Variants in GALNTL6 observed in about 807,000 individuals in gnomAD.
GALNTL6 encodes the protein polypeptide N-acetylgalactosaminyltransferase-like 6.
A neutral mutation model predicts 73.7 loss-of-function variants in GALNTL6; 46 were observed. The ratio of observed to expected loss-of-function variants is 0.62; its 90% CI spans 0.49 to 0.80. The LOEUF is 0.80. Among genes scored for constraint, GALNTL6 ranks in the 30% least tolerant of loss-of-function variants. The pLI, the probability that GALNTL6 is intolerant of heterozygous loss-of-function variation, is 0.00. For synonymous variants in GALNTL6, 259 were observed against 263.7 expected (o/e 0.98, Z 0.17); for missense variants, 604 against 755.0 (o/e 0.80, Z 2.34).
intron 5 of GALNTL6, among the ~76,000 whole-genome samples, chr4:172,357,829 A>G (rs1742217828): frequency 6.6e-6 from 1 of 152,110 alleles, no homozygotes; most frequent in East Asian, 1.9e-4. Flanking sequence ...ATCCTGAATA[A>G]ACTCTAGCTC....
chr4:172,754,121 G>T (rs932079942), intron 5 of GALNTL6, among the ~76,000 whole-genome samples: 1 of 152,094 alleles, frequency 6.6e-6, no homozygotes, highest in African/African-American at 2.4e-5. Flanking sequence ...AAATATTTTG[G>T]AATATTGTGT....
chr4:171,855,274 C>T (rs1351721472), intron 2 of GALNTL6, among the ~76,000 whole-genome samples: 1 of 152,182 alleles, frequency 6.6e-6, no homozygotes, highest in Non-Finnish European at 1.5e-5. Context: ...CACCATTGAT[C>T]TCTCACTCCC....
chr4:172,831,544 A>C (rs1192027876), intron 7 of GALNTL6, among the ~76,000 whole-genome samples: 1 of 152,208 alleles, frequency 6.6e-6, no homozygotes, highest in Non-Finnish European at 1.5e-5. Flanking sequence ...AGATGGGGAA[A>C]GAAAGATGAC....
intron 2 of GALNTL6, among the ~76,000 whole-genome samples, chr4:171,884,063 T>C (rs1446124828): frequency 6.6e-6 from 1 of 152,232 alleles, no homozygotes; most frequent in Non-Finnish European, 1.5e-5. Context: ...TAACATATTT[T>C]ACAAACTATT....
intron 4 of GALNTL6, among the ~76,000 whole-genome samples, chr4:172,320,711 C>T (rs903102331): frequency 6.6e-6 from 1 of 151,952 alleles, no homozygotes; most frequent in East Asian, 1.9e-4. Flanking sequence ...CAGTTTATAT[C>T]CCAGGGCACT....
chr4:172,514,954 A>C (rs954685562), intron 5 of GALNTL6, among the ~76,000 whole-genome samples: 6 of 152,270 alleles, frequency 3.9e-5, no homozygotes, highest in South Asian at 2.1e-4. Context: ...TTTTTTGGCT[A>C]TCTCTCAGAA....
At chr4:172,691,300 T>C (rs1377446779) in intron 5 of GALNTL6, among the ~76,000 whole-genome samples, 1 of 152,040 alleles carries the variant, frequency 6.6e-6, no homozygotes. Context: ...AGAAGATTGA[T>C]AAATAAGGTT....
chr4:172,696,404 AT>A (rs894157504), intron 5 of GALNTL6, among the ~76,000 whole-genome samples: 30 of 152,120 alleles, frequency 2.0e-4, no homozygotes, highest in African/African-American at 7.2e-4. Flanking sequence ...GGCATTCCTA[AT>A]TTTTTGTTTT....
At chr4:172,219,201 AT>A (rs1736594171) in intron 2 of GALNTL6, among the ~76,000 whole-genome samples, 1 of 42,440 alleles carries the variant, frequency 2.4e-5, no homozygotes, top group Non-Finnish European at 6.4e-5. Context: ...AAGCAAGTGT[AT>A]ATATATATAT....
chr4:172,629,191 T>C (rs1012066121), intron 5 of GALNTL6, among the ~76,000 whole-genome samples: 1 of 152,214 alleles, frequency 6.6e-6, no homozygotes, highest in African/African-American at 2.4e-5. Context: ...TGTTTTCTTC[T>C]GTTTTAATTT....
intron 5 of GALNTL6, among the ~76,000 whole-genome samples, chr4:172,457,198 G>C (rs1732428675): frequency 1.3e-5 from 2 of 151,608 alleles, no homozygotes; most frequent in Admixed American, 6.6e-5. Flanking sequence ...AGCTCCTGAA[G>C]GAAGCACTAA....
chr4:172,066,719 C>G (rs934679930), intron 2 of GALNTL6, among the ~76,000 whole-genome samples: 1 of 152,108 alleles, frequency 6.6e-6, no homozygotes, highest in African/African-American at 2.4e-5. Flanking sequence ...CATCTGAACA[C>G]TACACTTATC....
rs546286053 is a variant in GALNTL6 at position 172,473,346 on chromosome 4, T to C, written c.553+124657T>C. ...ACACTGCTTTTGACTCCACTGCTTG[T>C]ATCAGCTACTGCCCCATCCCTTCGT... On this transcript the variant is annotated intron_variant, in intron 5 of 12. Transcript: ENST00000506823. Among the ~76,000 whole-genome samples the C allele has an allele frequency of 1.6e-4, 25 of 152,348 alleles. No individual in the cohort carries two copies. In the South Asian group the frequency reaches 5.2e-3, roughly 32 times the overall value.
At chr4:172,303,814 A>G (rs552096182) in intron 3 of GALNTL6, among the ~76,000 whole-genome samples, 2 of 152,062 alleles carry the variant, frequency 1.3e-5, no homozygotes, top group South Asian at 4.1e-4. Context: ...TTTGACTTAC[A>G]TCTCCCCATT....
At chr4:172,072,270 A>G (rs933386510) in intron 2 of GALNTL6, among the ~76,000 whole-genome samples, 4 of 151,442 alleles carry the variant, frequency 2.6e-5, no homozygotes, top group Non-Finnish European at 5.9e-5. Context: ...AATATGTTTG[A>G]CTCTTCACAG....
At chr4:171,893,842 T>A (rs980854955) in intron 2 of GALNTL6, among the ~76,000 whole-genome samples, 2 of 152,132 alleles carry the variant, frequency 1.3e-5, no homozygotes, top group African/African-American at 4.8e-5. Context: ...TTTCAGATCA[T>A]GTTTTCAGGG....
At chr4:172,274,101 T>A (rs1451134683) in intron 3 of GALNTL6, among the ~76,000 whole-genome samples, 1 of 152,226 alleles carries the variant, frequency 6.6e-6, no homozygotes, top group Non-Finnish European at 1.5e-5. Flanking sequence ...AACATATTAA[T>A]GTATCCTATT....
intron 4 of GALNTL6, among the ~76,000 whole-genome samples, chr4:172,327,600 G>A (rs1435930122): frequency 1.3e-5 from 2 of 151,916 alleles, no homozygotes; most frequent in Non-Finnish European, 2.9e-5. Flanking sequence ...TATATATTTG[G>A]GATACTTGGT....
chr4:172,604,500 G>A (rs886877991), intron 5 of GALNTL6, among the ~76,000 whole-genome samples: 5 of 152,060 alleles, frequency 3.3e-5, no homozygotes, highest in Admixed American at 2.0e-4. Context: ...TTGTCAAAAT[G>A]CATAAAGAAA....
Sources: allele counts gnomAD v4.1 joint callset (sites outside exome capture counted in the v4.1 genomes callset), GRCh38; gene constraint gnomAD v4.1.1; transcripts MANE v1.5; gene names NCBI Gene and HGNC (gene_info 2026-07-23, HGNC 2026-07-21).